The following BCL2L13 variants were observed in gnomAD, a reference collection of about 807,000 sequenced individuals.
BCL2L13 encodes bcl-2-like protein 13.
BCL2L13 carries 13 observed loss-of-function variants against 25.8 expected under a neutral mutation model. The ratio of observed to expected loss-of-function variants is 0.50; its 90% CI spans 0.33 to 0.80. The LOEUF is 0.80. Among genes scored for constraint, BCL2L13 ranks in the 30% least tolerant of loss-of-function variants. BCL2L13 has a pLI of 0.02. For missense variants in BCL2L13, 504 were observed against 574.9 expected (o/e 0.88, Z 1.26); for synonymous variants, 244 against 230.3 (o/e 1.06, Z -0.54).
At chr22:17,673,045 A>G (rs1009849643) in intron 2 of BCL2L13, among the ~76,000 whole-genome samples, 10 of 152,134 alleles carry the variant, frequency 6.6e-5, no homozygotes, top group African/African-American at 2.4e-4. Flanking sequence ...GTAGTTTCTA[A>G]TGTTATTTCT....
chr22:17,643,262 G>A (rs2058351921), intron 1 of BCL2L13, among the ~76,000 whole-genome samples: 1 of 152,058 alleles, frequency 6.6e-6, no homozygotes, highest in South Asian at 2.1e-4. Flanking sequence ...GATGGGTGGG[G>A]TGAATTTTTT....
chr22:17,675,532 G>T (rs992246060), intron 2 of BCL2L13, among the ~76,000 whole-genome samples: 1 of 152,180 alleles, frequency 6.6e-6, no homozygotes, highest in Non-Finnish European at 1.5e-5. Context: ...TTCTGTCATT[G>T]AAGTATGTTT....
rs1342484780 is a variant in BCL2L13, at chr22:17,642,574, A to G, written c.-51+3688A>G. Among the ~76,000 whole-genome samples, 4 of 150,860 alleles carry G rather than the reference A, an allele frequency of 2.7e-5. No individual in the cohort carries two copies. In the East Asian group the frequency reaches 7.8e-4, roughly 29 times the overall value. On this transcript the variant is annotated intron_variant, in intron 1 of 6. Coordinates refer to ENST00000317582, the MANE Select transcript of BCL2L13 (RefSeq NM_015367.4). ...CTATTCCATTGTGTGGACATACCAC[A>G]TTTTAAAAATAAGTTGATGGGCATT...
chr22:17,688,253 G>A (rs550859258), intron 3 of BCL2L13, among the ~76,000 whole-genome samples: 1 of 152,274 alleles, frequency 6.6e-6, no homozygotes, highest in East Asian at 1.9e-4. Context: ...CACTGTGCTC[G>A]GCTTCTGGTT....
chr22:17,679,262 CTCTT>C (rs1248540364), intron 2 of BCL2L13, among the ~76,000 whole-genome samples: 3 of 104,960 alleles, frequency 2.9e-5, no homozygotes, highest in African/African-American at 1.1e-4. Flanking sequence ...ATTGGTTTGG[CTCTT>C]TTTTTTTTTT....
intron 2 of BCL2L13, among the ~76,000 whole-genome samples, chr22:17,681,534 A>G (rs920079154): frequency 6.6e-6 from 1 of 151,952 alleles, no homozygotes; most frequent in East Asian, 1.9e-4. Flanking sequence ...GGTAATTAGT[A>G]AAGAGTTTAA....
At chr22:17,637,414 A>G (rs1049264477), upstream of BCL2L13, among the ~76,000 whole-genome samples, 17 of 151,188 alleles carry the variant, frequency 1.1e-4, no homozygotes, top group Non-Finnish European at 7.4e-5. Context: ...CTCAAAAAAA[A>G]AAAAAAAAAG....
At chr22:17,694,850 A>G (rs192431495) in intron 4 of BCL2L13, among the ~76,000 whole-genome samples, 325 of 152,292 alleles carry the variant, frequency 2.1e-3, no homozygotes, top group African/African-American at 7.2e-3. Context: ...TGAATCTACA[A>G]CCGTCTTCCC....
chr22:17,653,495 A>ATTTTTTTT (rs34652783), intron 1 of BCL2L13, among the ~76,000 whole-genome samples: 1 of 110,722 alleles, frequency 9.0e-6, no homozygotes, highest in African/African-American at 3.6e-5. Context: ...CTCCAGTATG[A>ATTTTTTTT]TTTTTTTTTT....
chr22:17,645,054 C>T lies in BCL2L13; in HGVS notation c.-51+6168C>T, dbSNP rs530431613. 4.1e-4 allele frequency among the ~76,000 whole-genome samples: 62 copies of T among 150,526 alleles called. 3 individuals are homozygous for T. Among genetic ancestry groups the T allele is most frequent in the African/African-American group, 1.4e-3 (58 of 40,310 alleles). ...TCGATCTCCTAACCTCGTGATCCAC[C>T]CACCTCGGCTTCCCAAAGTGCTGGG... On this transcript the variant is annotated intron_variant, in intron 1 of 6. Transcript: ENST00000317582.
chr22:17,693,337 A>G (rs757532527), intron 4 of BCL2L13, among the ~76,000 whole-genome samples: 141 of 74,506 alleles, frequency 1.9e-3, no homozygotes, highest in African/African-American at 6.9e-3. Flanking sequence ...GGGGTAGTTT[A>G]TTTATTTATT....
At chr22:17,713,547 C>T (rs543647275) in intron 6 of BCL2L13, among the ~76,000 whole-genome samples, 15 of 151,300 alleles carry the variant, frequency 9.9e-5, no homozygotes, top group Admixed American at 2.0e-4. Flanking sequence ...CTGCAACCTC[C>T]GCCTCCTGGG....
intron 6 of BCL2L13, among the ~76,000 whole-genome samples, chr22:17,722,131 C>T (rs758311361): frequency 6.6e-6 from 1 of 152,072 alleles, no homozygotes; most frequent in Non-Finnish European, 1.5e-5. Flanking sequence ...TAAATAGGAT[C>T]ATACCATCCA....
chr22:17,680,286 G>A (rs745999488), intron 2 of BCL2L13, among the ~76,000 whole-genome samples: 89 of 149,354 alleles, frequency 6.0e-4, no homozygotes, highest in Non-Finnish European at 1.2e-3. Context: ...CGAGGTGGGC[G>A]CATCACGAGG....
upstream of BCL2L13, chr22:17,638,482 T>A: frequency 2.5e-6 from 1 of 401,046 alleles, no homozygotes; most frequent in Middle Eastern, 6.3e-4. Context: ...AAGGCTTCTT[T>A]CCCTGGAATC....
rs190462439 is a variant in BCL2L13, at chr22:17,668,978, C to T, written c.121+13146C>T. 7.3e-5 allele frequency among the ~76,000 whole-genome samples: 11 copies of T among 150,996 alleles called. No homozygotes were observed. The East Asian group carries it at 7.8e-4, about 11-fold the overall frequency. On this transcript the variant is annotated intron_variant, in intron 2 of 6. Transcript: ENST00000317582. Reference sequence around the variant, plus strand: ...ATTTATATTGCTATAAAGGTACACCCGAGGCTGGGTAATTTATAAAGAAAA... The same window carrying T: ...ATTTATATTGCTATAAAGGTACACCTGAGGCTGGGTAATTTATAAAGAAAA...
intron 6 of BCL2L13, among the ~76,000 whole-genome samples, chr22:17,725,496 T>G (rs2061270200): frequency 6.6e-6 from 1 of 152,230 alleles, no homozygotes; most frequent in Non-Finnish European, 1.5e-5. Flanking sequence ...TCTCCCTGCT[T>G]TCTCTGACCT....
At chr22:17,655,484 G>C (rs1010090103) in intron 1 of BCL2L13, among the ~76,000 whole-genome samples, 178 bp from the exon 2 acceptor site, 4 of 148,612 alleles carry the variant, frequency 2.7e-5, no homozygotes, top group Non-Finnish European at 6.0e-5. Context: ...GAGTGCAGTG[G>C]CTTGAACCCA....
intron 2 of BCL2L13, among the ~76,000 whole-genome samples, chr22:17,671,971 C>G (rs994070640): frequency 6.6e-6 from 1 of 152,224 alleles, no homozygotes; most frequent in Admixed American, 6.5e-5. Context: ...GCCTTGGCCT[C>G]CCAGAATGCT....
Sources: gnomAD v4.1 joint callset for allele counts (sites outside exome capture counted in the v4.1 genomes callset) on GRCh38, gnomAD v4.1.1 for gene constraint, MANE v1.5 for transcripts, NCBI Gene and HGNC (gene_info 2026-07-23, HGNC 2026-07-21) for gene names.